SEMA3A: variants seen among roughly 807,000 people sequenced by gnomAD.
SEMA3A encodes semaphorin-3A.
Under a neutral mutation model 97.9 loss-of-function variants are expected in SEMA3A, and 29 were observed. That is an observed-to-expected ratio of 0.30 (90% CI 0.22 to 0.40). The LOEUF is 0.40. Ranked by LOEUF, SEMA3A falls within the 10% of genes least tolerant of loss-of-function variation. The pLI, the probability that SEMA3A is intolerant of heterozygous loss-of-function variation, is 1.00. For missense variants in SEMA3A, 763 were observed against 951.3 expected (o/e 0.80, Z 2.60); for synonymous variants, 321 against 323.7 (o/e 0.99, Z 0.09).
intron 2 of SEMA3A, among the ~76,000 whole-genome samples, chr7:84,313,870 C>G (rs918786086): frequency 1.2e-4 from 18 of 151,954 alleles, no homozygotes; most frequent in African/African-American, 3.9e-4. Flanking sequence ...GTTTCCTCCT[C>G]TGTGGTCTTA....
At position 84,160,257 on chromosome 7, in the gene SEMA3A, CTATCTAT is replaced by C. The variant is rs1562821980; in HGVS notation, c.113-25313_113-25307del. On this transcript the variant is annotated intron_variant, in intron 1 of 16. Coordinates refer to ENST00000265362, the MANE Select transcript of SEMA3A (RefSeq NM_006080.3). Reference sequence around the variant, plus strand: ...TCTATCTATCTATCTATCTATCTATCTATCTATCTATCTATCTATCGTTAGTTCGTTC... The same window carrying C: ...TCTATCTATCTATCTATCTATCTATCCTATCTATCTATCGTTAGTTCGTTC... 2.9e-4 allele frequency among the ~76,000 whole-genome samples: 43 copies of C among 149,092 alleles called. No homozygotes were observed. The East Asian group carries it at 8.0e-3, about 28-fold the overall frequency.
intron 6 of SEMA3A, among the ~76,000 whole-genome samples, chr7:84,032,535 T>A (rs572918808): frequency 6.6e-6 from 1 of 152,248 alleles, no homozygotes; most frequent in Non-Finnish European, 1.5e-5. Flanking sequence ...TTTTGATTCT[T>A]GAAAATGCCT....
intron 3 of SEMA3A, among the ~76,000 whole-genome samples, chr7:84,238,139 T>C (rs1287492199): frequency 6.6e-6 from 1 of 152,024 alleles, no homozygotes; most frequent in Non-Finnish European, 1.5e-5. Flanking sequence ...TGATCTTGGC[T>C]CACAGCAACC....
At chr7:84,032,305 C>G (rs1044092612) in intron 6 of SEMA3A, among the ~76,000 whole-genome samples, 1 of 152,136 alleles carries the variant, frequency 6.6e-6, no homozygotes, top group Non-Finnish European at 1.5e-5. Flanking sequence ...TTATTTGACA[C>G]AGACCATGGC....
chr7:84,067,192 A>G (rs1793544448), intron 4 of SEMA3A, among the ~76,000 whole-genome samples: 1 of 152,348 alleles, frequency 6.6e-6, no homozygotes, highest in South Asian at 2.1e-4. Context: ...TATTTAATAA[A>G]TGGTGCTGGG....
intron 13 of SEMA3A, among the ~76,000 whole-genome samples, chr7:83,982,873 T>C (rs1427669523): frequency 1.3e-5 from 2 of 152,052 alleles, no homozygotes; most frequent in South Asian, 2.1e-4. Flanking sequence ...AGTGTTTACA[T>C]AGAAAATAGT....
At chr7:84,095,328 A>ATATAATGCATTTATATATGGCATTATCTC in intron 4 of SEMA3A, among the ~76,000 whole-genome samples, 1 of 51,130 alleles carries the variant, frequency 2.0e-5, no homozygotes, top group Admixed American at 3.1e-4. Flanking sequence ...GGCATTATAT[A>ATATAATGCATTTATATATGGCATTATCTC]TATTATATAT....
At chr7:84,242,633 G>A (rs898731512) in intron 3 of SEMA3A, among the ~76,000 whole-genome samples, 12 of 150,662 alleles carry the variant, frequency 8.0e-5, no homozygotes, top group South Asian at 4.2e-4. Context: ...TGTTTCCTTC[G>A]CTTGCCTGAT....
chr7:84,106,898 CT>C (rs1404827881), intron 4 of SEMA3A, among the ~76,000 whole-genome samples: 2 of 152,060 alleles, frequency 1.3e-5, no homozygotes, highest in East Asian at 1.9e-4. Context: ...CAAATGATGT[CT>C]TTTTTTCTAT....
intron 3 of SEMA3A, among the ~76,000 whole-genome samples, chr7:84,121,177 T>C (rs892668679): frequency 2.0e-5 from 3 of 152,162 alleles, no homozygotes; most frequent in African/African-American, 7.2e-5. Context: ...CTATCGTAAC[T>C]GTATAAACAG....
At chr7:84,404,056 A>G (rs1284602249) in intron 1 of SEMA3A, among the ~76,000 whole-genome samples, 1 of 152,188 alleles carries the variant, frequency 6.6e-6, no homozygotes, top group Non-Finnish European at 1.5e-5. Flanking sequence ...ACGACTTTGA[A>G]GAGTTGAGAG....
intron 3 of SEMA3A, among the ~76,000 whole-genome samples, chr7:84,245,756 C>A (rs1019652747): frequency 6.6e-6 from 1 of 151,942 alleles, no homozygotes; most frequent in Admixed American, 6.6e-5. Flanking sequence ...CCACAAGATG[C>A]CAGCTGGAGT....
intron 3 of SEMA3A, among the ~76,000 whole-genome samples, chr7:84,127,958 T>A (rs2116014406): frequency 6.7e-6 from 1 of 150,070 alleles, no homozygotes; most frequent in African/African-American, 2.5e-5. Context: ...AAACATAAAA[T>A]TATATAAAAT....
chr7:84,246,287 T>C (rs1799475324), intron 3 of SEMA3A, among the ~76,000 whole-genome samples: 1 of 152,300 alleles, frequency 6.6e-6, no homozygotes, highest in African/African-American at 2.4e-5. Flanking sequence ...TTGTAGTAAT[T>C]TGTTACAGCT....
chr7:84,457,291 T>C (rs1254594901), intron 1 of SEMA3A, among the ~76,000 whole-genome samples: 2 of 151,858 alleles, frequency 1.3e-5, no homozygotes, highest in African/African-American at 4.8e-5. Context: ...ACTATCCAAG[T>C]CAATTTTACA....
chr7:84,420,402 A>C (rs887585189), intron 1 of SEMA3A, among the ~76,000 whole-genome samples: 1 of 152,044 alleles, frequency 6.6e-6, no homozygotes, highest in African/African-American at 2.4e-5. Flanking sequence ...TTAAAATTAC[A>C]ATAACTGAAA....
At chr7:84,403,616 C>A (rs1243568660) in intron 1 of SEMA3A, among the ~76,000 whole-genome samples, 1 of 152,154 alleles carries the variant, frequency 6.6e-6, no homozygotes, top group Non-Finnish European at 1.5e-5. Context: ...GTCCCTGACC[C>A]CCGAGCAGCC....
intron 2 of SEMA3A, among the ~76,000 whole-genome samples, chr7:84,318,469 C>T (rs1050928252): frequency 4.0e-5 from 6 of 150,986 alleles, no homozygotes; most frequent in African/African-American, 9.7e-5. Flanking sequence ...ACTACAGGCG[C>T]CCGCCACTAC....
intron 1 of SEMA3A, among the ~76,000 whole-genome samples, chr7:84,409,673 T>G (rs1347837394): frequency 6.6e-6 from 1 of 152,128 alleles, no homozygotes; most frequent in Non-Finnish European, 1.5e-5. Context: ...AAAAAACTAA[T>G]TTGTGTTTGA....
Sources: allele counts gnomAD v4.1 joint callset (sites outside exome capture counted in the v4.1 genomes callset), GRCh38; gene constraint gnomAD v4.1.1; transcripts MANE v1.5; gene names NCBI Gene and HGNC (gene_info 2026-07-23, HGNC 2026-07-21).